KATNIP: variants seen among roughly 807,000 people sequenced by gnomAD.
KATNIP encodes katanin interacting protein.
Under a neutral mutation model 174.0 loss-of-function variants are expected in KATNIP, and 126 were observed. The ratio of observed to expected loss-of-function variants is 0.72; its 90% CI spans 0.63 to 0.84. The LOEUF (loss-of-function observed/expected upper bound fraction) is 0.84, where lower values mean the gene tolerates loss of function less well. Ranked by LOEUF, KATNIP falls within the 40% of genes least tolerant of loss-of-function variation. KATNIP has a pLI of 0.00. For missense variants in KATNIP, 1,958 were observed against 2,109.7 expected, an observed-to-expected ratio of 0.93 and a Z score of 1.41; for synonymous variants, 810 against 835.7, an observed-to-expected ratio of 0.97 and a Z score of 0.53.
chr16:27,584,652 G>T (rs1296756598), intron 2 of KATNIP, among the ~76,000 whole-genome samples: 3 of 152,098 alleles, frequency 2.0e-5, no homozygotes, highest in Non-Finnish European at 4.4e-5. Flanking sequence ...CTAGCTGTGT[G>T]TGTTGGTGGG....
At chr16:27,606,478 TACACAC>T (rs149635649) in intron 2 of KATNIP, among the ~76,000 whole-genome samples, 1 of 145,676 alleles carries the variant, frequency 6.9e-6, no homozygotes, top group South Asian at 2.2e-4. Context: ...ATCTCTCTCA[TACACAC>T]ACACACACAC....
chr16:27,748,369 T>C (rs1200774382), intron 15 of KATNIP, among the ~76,000 whole-genome samples: 2 of 152,210 alleles, frequency 1.3e-5, no homozygotes, highest in African/African-American at 4.8e-5. Flanking sequence ...GCGAATCGCT[T>C]GAGCCCAGAG....
intron 6 of KATNIP, chr16:27,669,192 G>GAA: frequency 1.4e-6 from 1 of 703,076 alleles, no homozygotes; most frequent in Non-Finnish European, 1.7e-6. Flanking sequence ...GCAGAAAGAG[G>GAA]AAGCTCAGGC....
At chr16:27,720,496 C>CTTTTTTTTTTTTTTTTTTTTT (rs56263804) in intron 13 of KATNIP, among the ~76,000 whole-genome samples, 2 of 124,574 alleles carry the variant, frequency 1.6e-5, no homozygotes, top group African/African-American at 3.2e-5. Flanking sequence ...GGGTTTTGTT[C>CTTTTTTTTTTTTTTTTTTTTT]TTTTTTTTTT....
intron 3 of KATNIP, among the ~76,000 whole-genome samples, chr16:27,627,001 T>C (rs929534103): frequency 1.3e-5 from 2 of 152,134 alleles, no homozygotes; most frequent in African/African-American, 4.8e-5. Context: ...TGTAGGATTA[T>C]TGTGAAGAGT....
chr16:27,767,014 A>C (rs2082147900), intron 20 of KATNIP, among the ~76,000 whole-genome samples: 1 of 152,124 alleles, frequency 6.6e-6, no homozygotes, highest in African/African-American at 2.4e-5. Context: ...GAGAAGCAGC[A>C]GGGGGGCGCT....
intron 14 of KATNIP, among the ~76,000 whole-genome samples, chr16:27,723,959 C>T (rs940919095): frequency 1.2e-4 from 19 of 152,228 alleles, no homozygotes; most frequent in East Asian, 5.8e-4. Flanking sequence ...CAGGCAGCCC[C>T]GGCCAGCTGT....
In KATNIP at chr16:27,573,960, A is replaced by G; in HGVS notation, c.63+4A>G. On this transcript the variant is annotated splice_donor_region_variant and intron_variant, in intron 2 of 27. Coordinates refer to ENST00000261588, the MANE Select transcript of KATNIP (RefSeq NM_015202.5). Reference sequence around the variant, plus strand: ...CTGCTCACGAGAGAAAAAGGAGGTAAATGTGTCCCTGGCGAGGGCTGATGG... The same window carrying G: ...CTGCTCACGAGAGAAAAAGGAGGTAGATGTGTCCCTGGCGAGGGCTGATGG... 1.2e-6 allele frequency: 2 copies of G among 1,613,878 alleles called. No individual in the cohort carries two copies. Among genetic ancestry groups the G allele is most frequent in the Non-Finnish European group, 1.7e-6 (2 of 1,179,812 alleles).
chr16:27,772,063 G>A (rs997783686), intron 22 of KATNIP, among the ~76,000 whole-genome samples: 10 of 152,088 alleles, frequency 6.6e-5, no homozygotes, highest in Non-Finnish European at 1.5e-4. Flanking sequence ...GATTGCTTGG[G>A]GCCAGGAGTT....
intron 1 of KATNIP, among the ~76,000 whole-genome samples, chr16:27,557,716 C>G (rs2089688778): frequency 6.6e-6 from 1 of 152,174 alleles, no homozygotes; most frequent in Admixed American, 6.5e-5. Context: ...GCATGAGCCA[C>G]TATGCCTGGC....
rs117515801 is a variant in KATNIP at position 27,571,290 on chromosome 16, C to T, written c.8-2611C>T. Among the ~76,000 whole-genome samples, 1,382 of 152,282 alleles carry T rather than the reference C, an allele frequency of 9.1e-3. 7 individuals are homozygous for T. The highest frequency in any genetic ancestry group is 0.017 in the Middle Eastern group (5 of 294). ...TCAGGTGATCCACCCGCTTCGACCT[C>T]CCTAAGTGTTAGAATTACAGGCATG... On this transcript the variant is annotated intron_variant, in intron 1 of 27. Transcript: ENST00000261588.
chr16:27,555,868 G>A (rs538381510), intron 1 of KATNIP, among the ~76,000 whole-genome samples: 4 of 151,918 alleles, frequency 2.6e-5, no homozygotes, highest in South Asian at 2.1e-4. Flanking sequence ...AGCCAGGCGC[G>A]GTGGCTCATG....
In KATNIP at chr16:27,654,773, TG is replaced by T. The variant is rs1354812364; in HGVS notation, c.540+6042del. ...TTTCAGCATCCTAACCCCTAAGGGCTGGGGATCTTTTCCGTAGCCAAGCAGC... is the reference window on the plus strand; with the variant it reads ...TTTCAGCATCCTAACCCCTAAGGGCTGGGATCTTTTCCGTAGCCAAGCAGC... On this transcript the variant is annotated intron_variant, in intron 6 of 27. Transcript: ENST00000261588. 4.8e-5 allele frequency: 65 copies of T among 1,350,694 alleles called. No homozygotes were observed. The Middle Eastern group carries it at 6.3e-4, about 13-fold the overall frequency. The allele number at this position is 1,350,694 out of a possible 1,614,324, so 83.7% of individuals were successfully genotyped here. A position where few individuals can be genotyped will look rare whatever the true frequency, so the allele number is the denominator to read the frequency against.
chr16:27,716,246 C>T (rs943975578), intron 13 of KATNIP, among the ~76,000 whole-genome samples: 23 of 152,198 alleles, frequency 1.5e-4, no homozygotes, highest in African/African-American at 5.5e-4. Flanking sequence ...TGAAATGTCC[C>T]GAATAGGCAA....
chr16:27,644,019 C>CTTTTTT (rs34902124), intron 5 of KATNIP, among the ~76,000 whole-genome samples: 1 of 102,504 alleles, frequency 9.8e-6, no homozygotes, highest in Non-Finnish European at 1.9e-5. Flanking sequence ...GAGACATAAT[C>CTTTTTT]TTTTTTTTTT....
At chr16:27,699,672 G>A in intron 10 of KATNIP, 73 bp downstream of exon 10, 1 of 1,601,604 alleles carries the variant, frequency 6.2e-7, no homozygotes, top group Non-Finnish European at 8.5e-7. Flanking sequence ...AGGCAGAGAT[G>A]AATGACAAAG....
Position 27,708,962 on chromosome 16 carries a change from C to T in KATNIP, c.1605+42C>T, listed in dbSNP as rs754870837. 14 of 1,470,270 alleles carry T rather than the reference C, an allele frequency of 9.5e-6. 1 individual carries two copies. The highest frequency in any genetic ancestry group is 2.4e-4 in the Middle Eastern group (1 of 4,220). The allele number at this position is 1,470,270 out of a possible 1,614,324, so 91.1% of individuals were successfully genotyped here. A position where few individuals can be genotyped will look rare whatever the true frequency, so the allele number is the denominator to read the frequency against. On this transcript the variant is annotated intron_variant, in intron 13 of 27. Coordinates refer to ENST00000261588, the MANE Select transcript of KATNIP (RefSeq NM_015202.5). ...CTGGATTGCTTCTTGGCTGTGTATT[C>T]CCATGCATTTTCTCTGCCCTTGGTA...
chr16:27,741,022 A>C, intron 15 of KATNIP, 102 bp downstream of exon 15: 1 of 1,205,348 alleles, frequency 8.3e-7, no homozygotes, highest in Non-Finnish European at 1.1e-6. Context: ...TATCTGCACA[A>C]CAAGATGGTT....
At position 27,751,820 on chromosome 16, in the gene KATNIP, C is replaced by A; in HGVS notation, c.3448C>A (p.Leu1150Met). The change falls in exon 17 of 28, where the codon CTG (leucine) becomes ATG (methionine). Residue 1150 changes from leucine (L) to methionine (M), a missense_variant. Leu to Met is a conservative substitution (Grantham distance 15). Around this residue, in one of 3 missense-constraint regions of KATNIP, gnomAD observed 1,557 missense variants for 1,617.8 expected, o/e 0.96. Transcript: ENST00000261588. Reference sequence around the variant, plus strand: ...GATGTTTGACCTGGATGTGGGGAGCCTGGACAGCCTGCAGGATGAAGAGGC... The same window carrying A: ...GATGTTTGACCTGGATGTGGGGAGCATGGACAGCCTGCAGGATGAAGAGGC... ...DEMFDLDVGS[L>M]DSLQDEEAMR... 6.2e-7 allele frequency: 1 copy of A among 1,614,190 alleles called. No homozygotes were observed. The highest frequency in any genetic ancestry group is 1.1e-5 in the South Asian group (1 of 91,078).
Sources: gnomAD v4.1 joint callset for allele counts (sites outside exome capture counted in the v4.1 genomes callset) on GRCh38, gnomAD v4.1.1 for gene constraint, gnomAD v4.1.1 regional missense constraint, MANE v1.5 for transcripts, NCBI Gene and HGNC (gene_info 2026-07-23, HGNC 2026-07-21) for gene names.